Variants in LRRC37A observed in about 807,000 individuals in gnomAD.
LRRC37A encodes the protein leucine-rich repeat-containing protein 37A.
Under a neutral mutation model 35.4 loss-of-function variants are expected in LRRC37A, and 3 were observed. The observed-to-expected ratio is 0.08, with a 90% CI of 0.04 to 0.22. The LOEUF (loss-of-function observed/expected upper bound fraction) is 0.22. LRRC37A is among the 10% of genes least tolerant of loss of function. The pLI, the probability that LRRC37A is intolerant of heterozygous loss-of-function variation, is 1.00. For synonymous variants in LRRC37A, 23 were observed against 215.0 expected, an observed-to-expected ratio of 0.11 and a Z score of 7.81; for missense variants, 67 against 565.3, an observed-to-expected ratio of 0.12 and a Z score of 8.94.
the LRRC37A span, among the ~76,000 whole-genome samples, chr17:46,264,791 C>T: frequency 6.6e-6 from 1 of 152,240 alleles, no homozygotes; most frequent in South Asian, 2.1e-4. Flanking sequence ...CCAGCTTGCT[C>T]TCTGTCTCTA....
chr17:46,261,578 A>AT, the LRRC37A span, among the ~76,000 whole-genome samples: 4 of 148,000 alleles, frequency 2.7e-5, no homozygotes, highest in South Asian at 8.4e-4. Flanking sequence ...CACCCAGCTA[A>AT]TTTTTTGTAT....
upstream of LRRC37A, among the ~76,000 whole-genome samples, chr17:46,291,834 G>T (rs550131078): frequency 6.6e-6 from 1 of 151,974 alleles, no homozygotes. Context: ...CATGGCACGC[G>T]CCTGTAGTCC....
chr17:46,277,637 T>TTTTC, the LRRC37A span, among the ~76,000 whole-genome samples: 9,853 of 149,526 alleles, frequency 0.066, 478 homozygotes, highest in African/African-American at 0.12. Context: ...TTTTCTTTTC[T>TTTTC]TTTCTTTCTT....
chr17:46,254,449 TCA>T, the LRRC37A span, among the ~76,000 whole-genome samples: 4 of 152,036 alleles, frequency 2.6e-5, no homozygotes, highest in African/African-American at 9.7e-5. Flanking sequence ...AGACAGAATC[TCA>T]CTCTTGTTTC....
At chr17:46,260,587 C>A in the LRRC37A span, 2 of 1,524,870 alleles carry the variant, frequency 1.3e-6, no homozygotes, top group Non-Finnish European at 1.8e-6. Context: ...CCACAGCTCA[C>A]AATCCCGCTT....
chr17:46,271,770 C>CT, the LRRC37A span, among the ~76,000 whole-genome samples: 8 of 151,818 alleles, frequency 5.3e-5, no homozygotes, highest in South Asian at 2.1e-4. Context: ...CAAAAGTTCA[C>CT]TTTTTTTTTG....
At chr17:46,279,037 A>C in the LRRC37A span, among the ~76,000 whole-genome samples, 7 of 152,154 alleles carry the variant, frequency 4.6e-5, no homozygotes, top group Non-Finnish European at 7.3e-5. Context: ...ATCTCAGGTG[A>C]TCCACATGCC....
At chr17:46,254,451 A>G in the LRRC37A span, among the ~76,000 whole-genome samples, 1 of 151,566 alleles carries the variant, frequency 6.6e-6, no homozygotes, top group African/African-American at 2.4e-5. Context: ...ACAGAATCTC[A>G]CTCTTGTTTC....
chr17:46,260,170 C>A, the LRRC37A span: 5 of 1,392,152 alleles, frequency 3.6e-6, 1 homozygote, highest in African/African-American at 3.2e-5. Flanking sequence ...CAGCGCGGTG[C>A]GGGTCAGATT....
At chr17:46,259,905 G>A in the LRRC37A span, 8 of 1,572,460 alleles carry the variant, frequency 5.1e-6, 1 homozygote, top group African/African-American at 6.8e-5. Context: ...CTGGCTGTGG[G>A]GACCGCAAGG....
At chr17:46,281,323 G>A in the LRRC37A span, among the ~76,000 whole-genome samples, 1 of 151,676 alleles carries the variant, frequency 6.6e-6, no homozygotes, top group Non-Finnish European at 1.5e-5. Context: ...TTTGCTGAGT[G>A]AATGAATTTA....
the LRRC37A span, among the ~76,000 whole-genome samples, chr17:46,252,901 A>ACGGGGCGGCTGGCCGGG: frequency 1.4e-4 from 21 of 149,224 alleles, 1 homozygote; most frequent in Non-Finnish European, 2.9e-4. Context: ...CACCTCCCGG[A>ACGGGGCGGCTGGCCGGG]CGGGGCGGCT....
the LRRC37A span, among the ~76,000 whole-genome samples, chr17:46,271,171 T>TCTTTTTTTTTC: frequency 6.6e-6 from 1 of 150,532 alleles, no homozygotes; most frequent in Non-Finnish European, 1.5e-5. Context: ...TTTCTTTTTT[T>TCTTTTTTTTTC]TTTTTTTTTT....
upstream of LRRC37A, among the ~76,000 whole-genome samples, chr17:46,291,664 T>C (rs1223662517): frequency 3.9e-5 from 6 of 152,130 alleles, no homozygotes; most frequent in Admixed American, 2.6e-4. Context: ...CTCATGCCTA[T>C]AATCCCAGCA....
the LRRC37A span, among the ~76,000 whole-genome samples, chr17:46,270,987 A>T: frequency 6.6e-6 from 1 of 152,196 alleles, no homozygotes; most frequent in East Asian, 1.9e-4. Context: ...CTTCTAAGAA[A>T]AGTCTTTTAG....
chr17:46,265,135 G>A, the LRRC37A span, among the ~76,000 whole-genome samples: 1 of 152,212 alleles, frequency 6.6e-6, no homozygotes, highest in Non-Finnish European at 1.5e-5. Context: ...TTTGGAGGGA[G>A]AAGATAATTC....
At chr17:46,260,989 CAT>C in the LRRC37A span, among the ~76,000 whole-genome samples, 2 of 152,056 alleles carry the variant, frequency 1.3e-5, no homozygotes, top group South Asian at 4.1e-4. Context: ...CGTTCTCACT[CAT>C]AAATGGGAGC....
the LRRC37A span, among the ~76,000 whole-genome samples, chr17:46,251,302 AG>A: frequency 6.8e-6 from 1 of 147,124 alleles, no homozygotes; most frequent in Non-Finnish European, 1.5e-5. Context: ...CTTGTTGCCC[AG>A]GCTGGAGTGA....
the LRRC37A span, among the ~76,000 whole-genome samples, chr17:46,282,460 G>C: frequency 6.6e-5 from 10 of 151,076 alleles, no homozygotes; most frequent in Non-Finnish European, 1.5e-4. Flanking sequence ...TGTCACCCAG[G>C]CTGGGGTGGA....
Sources: gnomAD v4.1 joint callset for allele counts (sites outside exome capture counted in the v4.1 genomes callset) on GRCh38, gnomAD v4.1.1 for gene constraint, MANE v1.5 for transcripts, NCBI Gene and HGNC (gene_info 2026-07-23, HGNC 2026-07-21) for gene names.